PADI4: variants seen among roughly 807,000 people sequenced by gnomAD.
The protein encoded by PADI4 is protein-arginine deiminase type-4.
In PADI4, 62 loss-of-function variants were observed where a neutral mutation model predicts 75.0. The ratio of observed to expected loss-of-function variants is 0.83; its 90% CI spans 0.67 to 1.02. The LOEUF (loss-of-function observed/expected upper bound fraction) is 1.02, where lower values mean the gene tolerates loss of function less well. Ranked by LOEUF, PADI4 falls within the 50% of genes least tolerant of loss-of-function variation. The pLI, the probability that PADI4 is intolerant of heterozygous loss-of-function variation, is 0.00. For missense variants in PADI4, 845 were observed against 850.5 expected (o/e 0.99, Z 0.08); for synonymous variants, 361 against 348.1 (o/e 1.04, Z -0.41).
At chr1:17,317,290 C>T (rs1410139079) in intron 1 of PADI4, among the ~76,000 whole-genome samples, 6 of 151,688 alleles carry the variant, frequency 4.0e-5, no homozygotes, top group Non-Finnish European at 5.9e-5. Context: ...ATAATGCCGA[C>T]GGAGTCTCGC....
At position 17,352,057 on chromosome 1, in the gene PADI4, T is replaced by A. The variant is rs1176531658; in HGVS notation, c.1156-2476T>A. ...ATGGGAGGAGAGGCAGTCAGGGAGG[T>A]GATGGGAGGTGGGAAGAGAGGCAGT... On this transcript the variant is annotated intron_variant, in intron 10 of 15. Transcript: ENST00000375448. Among the ~76,000 whole-genome samples, 46 of 94,828 alleles carry A rather than the reference T, an allele frequency of 4.9e-4. 1 individual carries two copies. Among genetic ancestry groups the A allele is most frequent in the African/African-American group, 1.6e-3 (36 of 22,780 alleles). 62.2% of individuals were successfully genotyped at this position (94,828 alleles called of 152,430 possible). A position where few individuals can be genotyped will look rare whatever the true frequency, so the allele number is the denominator to read the frequency against.
At chr1:17,342,219 C>T (rs2074433811) in intron 7 of PADI4, 80 bp from the exon 8 acceptor site, 18 of 1,427,790 alleles carry the variant, frequency 1.3e-5, no homozygotes, top group Non-Finnish European at 1.8e-5. Flanking sequence ...AGGGGGACTC[C>T]AAACAGCTGC....
At chr1:17,347,805 G>T in intron 9 of PADI4, 136 bp from the exon 10 acceptor site, 1 of 494,266 alleles carries the variant, frequency 2.0e-6, no homozygotes. Context: ...CCTTCTCTGA[G>T]ATCAAACATC....
chr1:17,351,330 C>T (rs2074615750), intron 10 of PADI4, among the ~76,000 whole-genome samples: 1 of 151,336 alleles, frequency 6.6e-6, no homozygotes, highest in Non-Finnish European at 1.5e-5. Flanking sequence ...GTGGCTCATT[C>T]CAGTAATCCC....
chr1:17,354,755 G>A (rs1408870225), intron 11 of PADI4, 68 bp downstream of exon 11: 102 of 1,440,184 alleles, frequency 7.1e-5, no homozygotes, highest in Non-Finnish European at 9.2e-5. Flanking sequence ...AGAGGCCAGA[G>A]TGGAAGCCTT....
intron 1 of PADI4, among the ~76,000 whole-genome samples, chr1:17,324,329 C>T (rs567533504): frequency 2.6e-5 from 4 of 151,548 alleles, no homozygotes; most frequent in Admixed American, 2.6e-4. Context: ...GGTGGAGTGC[C>T]TCTTCATGTT....
intron 10 of PADI4, among the ~76,000 whole-genome samples, chr1:17,354,127 G>A (rs1236199127): frequency 2.0e-5 from 3 of 151,890 alleles, no homozygotes; most frequent in African/African-American, 4.8e-5. Flanking sequence ...GGGCGTGCCT[G>A]TAGTCCCAGC....
intron 14 of PADI4, 63 bp from the exon 15 acceptor site, chr1:17,359,217 T>TCCCCCCC: frequency 3.1e-6 from 2 of 647,816 alleles, no homozygotes; most frequent in Admixed American, 3.0e-5. Flanking sequence ...CCCCACACTG[T>TCCCCCCC]CCCCCACCCC....
intron 1 of PADI4, 113 bp downstream of exon 1, chr1:17,308,427 A>T: frequency 1.3e-6 from 1 of 775,602 alleles, no homozygotes; most frequent in East Asian, 2.7e-5. Context: ...CAGCCTCTGC[A>T]GCCACTGCCA....
intron 15 of PADI4, among the ~76,000 whole-genome samples, chr1:17,363,149 C>A (rs545203208): frequency 2.0e-5 from 3 of 151,952 alleles, no homozygotes; most frequent in Non-Finnish European, 4.4e-5. Flanking sequence ...CTCGCTCTGT[C>A]GCCCAAGCTG....
intron 13 of PADI4, among the ~76,000 whole-genome samples, chr1:17,357,040 T>A (rs1336294384): frequency 6.6e-6 from 1 of 152,198 alleles, no homozygotes; most frequent in Non-Finnish European, 1.5e-5. Flanking sequence ...CTGACCTGTT[T>A]CTTCCTCTCT....
intron 8 of PADI4, among the ~76,000 whole-genome samples, chr1:17,344,071 T>C (rs1397727567): frequency 6.6e-6 from 1 of 152,192 alleles, no homozygotes; most frequent in Non-Finnish European, 1.5e-5. Flanking sequence ...ACAAAAATAC[T>C]GATAATGATA....
chr1:17,363,844 G>A lies in PADI4; in HGVS notation c.*89G>A. 1 of 891,662 alleles carries A rather than the reference G, an allele frequency of 1.1e-6. No individual in the cohort carries two copies. The highest frequency in any genetic ancestry group is 1.8e-6 in the Non-Finnish European group (1 of 563,228). 55.2% of individuals were successfully genotyped at this position (891,662 alleles called of 1,614,324 possible). On this transcript the variant is annotated 3_prime_UTR_variant, in exon 16 of 16. Coordinates refer to ENST00000375448, the MANE Select transcript of PADI4 (RefSeq NM_012387.3). ...AAGCAAGAGCTCTTGTGAATATTGT[G>A]GCTCCCTGGGGGCGGCCAGCCCTCC...
At chr1:17,335,835 A>G (rs1365524092) in intron 3 of PADI4, among the ~76,000 whole-genome samples, 7 of 152,204 alleles carry the variant, frequency 4.6e-5, no homozygotes, top group Admixed American at 4.6e-4. Context: ...CGAACCTCTC[A>G]TTGTGGTGGT....
intron 1 of PADI4, among the ~76,000 whole-genome samples, chr1:17,327,143 G>A (rs1402026119): frequency 6.6e-6 from 1 of 151,964 alleles, no homozygotes; most frequent in Non-Finnish European, 1.5e-5. Flanking sequence ...AAACTCCTGG[G>A]CTCAGGCGAT....
chr1:17,311,524 TC>T (rs1318462135), intron 1 of PADI4, among the ~76,000 whole-genome samples: 1 of 127,616 alleles, frequency 7.8e-6, no homozygotes, highest in African/African-American at 3.0e-5. Flanking sequence ...GTCTCCTTCT[TC>T]TTTTTTTTTT....
rs192110198 is a variant in PADI4 at position 17,347,870 on chromosome 1, C to T, written c.1048-71C>T. 8.4e-4 allele frequency: 639 copies of T among 763,984 alleles called. 15 individuals carry two copies. The East Asian group carries it at 0.017, about 21-fold the overall frequency. The allele number at this position is 763,984 out of a possible 1,614,324, so 47.3% of individuals were successfully genotyped here. Reference sequence around the variant, plus strand: ...TGAGAGTGAGTGGATGGTTTCATGCCCCCATCCTGGCGTCGGGCACCAAGA... The same window carrying T: ...TGAGAGTGAGTGGATGGTTTCATGCTCCCATCCTGGCGTCGGGCACCAAGA... On this transcript the variant is annotated intron_variant, in intron 9 of 15. Transcript: ENST00000375448.
chr1:17,308,209 G>A lies in PADI4; in HGVS notation c.-14G>A, dbSNP rs1340869620. ...AGGGGCTTCCTACAGCCAGAGGGAC[G>A]AGCTAGCCCGACGATGGCCCAGGGG... On this transcript the variant is annotated 5_prime_UTR_variant, in exon 1 of 16. Transcript: ENST00000375448. 8 of 1,612,370 alleles carry A rather than the reference G, an allele frequency of 5.0e-6. No homozygotes were observed. Among genetic ancestry groups the A allele is most frequent in the East Asian group, 2.2e-5 (1 of 44,858 alleles).
At chr1:17,327,838 A>G (rs539188555) in intron 1 of PADI4, among the ~76,000 whole-genome samples, 4 of 151,942 alleles carry the variant, frequency 2.6e-5, no homozygotes, top group African/African-American at 9.7e-5. Flanking sequence ...TTATTTACAT[A>G]TTTGGATTTG....
Sources: gnomAD v4.1 joint callset for allele counts (sites outside exome capture counted in the v4.1 genomes callset) on GRCh38, gnomAD v4.1.1 for gene constraint, MANE v1.5 for transcripts, NCBI Gene and HGNC (gene_info 2026-07-23, HGNC 2026-07-21) for gene names.